Variants in PCDHGA2 observed in about 807,000 individuals in gnomAD.
The protein encoded by PCDHGA2 is protocadherin gamma subfamily A, 2, also known as protocadherin gamma-A2.
Under a neutral mutation model 59.2 loss-of-function variants are expected in PCDHGA2, and 40 were observed. The ratio of observed to expected loss-of-function variants is 0.68; its 90% CI spans 0.52 to 0.88. The LOEUF (loss-of-function observed/expected upper bound fraction) is 0.88, where lower values mean the gene tolerates loss of function less well. Among genes scored for constraint, PCDHGA2 ranks in the 40% least tolerant of loss-of-function variants. The pLI is 0.00. For missense variants in PCDHGA2, 1,226 were observed against 1,204.0 expected, an observed-to-expected ratio of 1.02 and a Z score of -0.27; for synonymous variants, 560 against 526.0, an observed-to-expected ratio of 1.06 and a Z score of -0.89.
At chr5:141,423,384 C>T in intron 1 of PCDHGA2, 1 of 1,614,172 alleles carries the variant, frequency 6.2e-7, no homozygotes. Flanking sequence ...GGCTGTGGCG[C>T]TGGCATAAGT....
intron 1 of PCDHGA2, chr5:141,422,813 TAGAACTG>T: frequency 6.2e-7 from 1 of 1,614,192 alleles, no homozygotes; most frequent in Non-Finnish European, 8.5e-7. Flanking sequence ...TTTCGAGACT[TAGAACTG>T]AGAGTGATAG....
chr5:141,364,744 A>T (rs1366184046), intron 1 of PCDHGA2: 1 of 1,613,990 alleles, frequency 6.2e-7, no homozygotes, highest in Non-Finnish European at 8.5e-7. Flanking sequence ...ATGAAGAGTT[A>T]AAAGTAAAAG....
At chr5:141,379,474 T>C (rs1775619669) in intron 1 of PCDHGA2, 1 of 152,258 alleles carries the variant, frequency 6.6e-6, no homozygotes, top group Non-Finnish European at 1.5e-5. Context: ...AGTGTGAATG[T>C]TATTTTACTA....
In PCDHGA2 at chr5:141,486,518, A is replaced by G; in HGVS notation, c.2425-8289A>G. The G allele has an allele frequency of 6.2e-7, 1 of 1,614,132 alleles. No homozygotes were observed. Among genetic ancestry groups the G allele is most frequent in the Non-Finnish European group, 8.5e-7 (1 of 1,179,996 alleles). On this transcript the variant is annotated intron_variant, in intron 1 of 3. Coordinates refer to ENST00000394576, the MANE Select transcript of PCDHGA2 (RefSeq NM_018915.4). The surrounding 1 kb of genome is among the most constrained non-coding windows in gnomAD (Gnocchi z 5.0). ...TATTTTCCTCAATATTTCAGATGTG[A>G]ATGATAATCCACCCTCTTTCTTTCA...
At chr5:141,394,945 T>A in intron 1 of PCDHGA2, 1 of 1,613,892 alleles carries the variant, frequency 6.2e-7, no homozygotes, top group African/African-American at 1.3e-5. Context: ...GTCGCTGTGC[T>A]TCTGGGGCTC....
At chr5:141,439,190 C>CA (rs200519543) in intron 1 of PCDHGA2, among the ~76,000 whole-genome samples, 17,650 of 111,626 alleles carry the variant, frequency 0.16, 1,295 homozygotes, top group African/African-American at 0.25. Context: ...GAGACTCTGA[C>CA]AAAAAAAAAA....
At chr5:141,478,500 T>C (rs754881921) in intron 1 of PCDHGA2, 16 of 1,612,740 alleles carry the variant, frequency 9.9e-6, no homozygotes, top group Non-Finnish European at 1.4e-5. Context: ...TGTGATCCGG[T>C]GTTCTATAGG....
intron 1 of PCDHGA2, among the ~76,000 whole-genome samples, chr5:141,353,829 C>T (rs1366224515): frequency 6.6e-6 from 1 of 152,152 alleles, no homozygotes; most frequent in Non-Finnish European, 1.5e-5. Flanking sequence ...GCAGTTTGTG[C>T]GGTCTTTGAG....
At chr5:141,374,003 C>T (rs1160076904) in intron 1 of PCDHGA2, 2 of 1,320,324 alleles carry the variant, frequency 1.5e-6, no homozygotes, top group African/African-American at 3.0e-5. Flanking sequence ...GGACCTTCAC[C>T]GCTATTTCTG....
intron 1 of PCDHGA2, among the ~76,000 whole-genome samples, chr5:141,430,380 T>C (rs1464446838): frequency 2.7e-5 from 4 of 147,890 alleles, no homozygotes; most frequent in Non-Finnish European, 4.5e-5. Flanking sequence ...AAAAGCTCAT[T>C]GGGAAAAAAA....
chr5:141,419,140 G>C, intron 1 of PCDHGA2: 1 of 1,613,868 alleles, frequency 6.2e-7, no homozygotes, highest in Non-Finnish European at 8.5e-7. Flanking sequence ...CCACAGACAG[G>C]GGCAAGCCTC....
chr5:141,350,539 C>T, intron 1 of PCDHGA2: 2 of 1,613,968 alleles, frequency 1.2e-6, no homozygotes, highest in Non-Finnish European at 1.7e-6. Flanking sequence ...AGAAGATTTG[C>T]GGAAGGAAAC....
At chr5:141,433,837 C>CAAAA (rs56191208) in intron 1 of PCDHGA2, among the ~76,000 whole-genome samples, 6 of 111,700 alleles carry the variant, frequency 5.4e-5, no homozygotes, top group African/African-American at 1.9e-4. Flanking sequence ...AACTCTATCT[C>CAAAA]AAAAAAAAAA....
intron 1 of PCDHGA2, chr5:141,374,015 G>T: frequency 1.5e-6 from 2 of 1,375,596 alleles, no homozygotes; most frequent in Non-Finnish European, 1.9e-6. Context: ...CTATTTCTGA[G>T]AAGAGCAAAA....
chr5:141,339,236 A>C lies in PCDHGA2; in HGVS notation c.265A>C (p.Arg89=). Reference sequence around the variant, plus strand: ...AAGCGGCAGCTTGGTCACTGCGAACAGGATAGACCGGGAGGAGCTCTGCGC... The same window carrying C: ...AAGCGGCAGCTTGGTCACTGCGAACCGGATAGACCGGGAGGAGCTCTGCGC... ...PRSGSLVTAN[R]IDREELCAQS... is the part of the protein sequence containing the mutation. Residue 89 remains arginine, a synonymous_variant, in exon 1 of 4, where the codon AGG becomes CGG. Coordinates refer to ENST00000394576, the MANE Select transcript of PCDHGA2 (RefSeq NM_018915.4). 1.9e-6 allele frequency: 3 copies of C among 1,614,268 alleles called. No homozygotes were observed. Among genetic ancestry groups the C allele is most frequent in the Non-Finnish European group, 2.5e-6 (3 of 1,180,038 alleles).
intron 1 of PCDHGA2, among the ~76,000 whole-genome samples, chr5:141,469,414 A>C (rs1455286338): frequency 1.3e-5 from 2 of 152,118 alleles, no homozygotes; most frequent in Non-Finnish European, 2.9e-5. Flanking sequence ...GTTTCTACTA[A>C]AAATATAAAA....
intron 1 of PCDHGA2, chr5:141,374,587 G>A: frequency 1.2e-6 from 2 of 1,613,722 alleles, no homozygotes; most frequent in Non-Finnish European, 1.7e-6. Context: ...ACTCCCTTCA[G>A]GGATTTAAGC....
At chr5:141,421,079 T>A (rs2096545177) in intron 1 of PCDHGA2, 1 of 630,528 alleles carries the variant, frequency 1.6e-6, no homozygotes, top group Non-Finnish European at 2.7e-6. Context: ...AGATGGATAC[T>A]CACAGATCCT....
At chr5:141,415,205 C>A (rs2095843771) in intron 1 of PCDHGA2, 2 of 1,614,040 alleles carry the variant, frequency 1.2e-6, no homozygotes, top group Non-Finnish European at 1.7e-6. Context: ...CAAGTCCTGG[C>A]GGACCTCGGC....
Sources: allele counts gnomAD v4.1 joint callset (sites outside exome capture counted in the v4.1 genomes callset), GRCh38; gene constraint gnomAD v4.1.1; non-coding constraint Gnocchi (gnomAD v3.1); transcripts MANE v1.5; gene names NCBI Gene and HGNC (gene_info 2026-07-23, HGNC 2026-07-21).